Variants in EIF2AK2 observed in about 807,000 individuals in gnomAD.
EIF2AK2 encodes the protein eukaryotic translation initiation factor 2 alpha kinase 2.
A neutral mutation model predicts 70.5 loss-of-function variants in EIF2AK2; 40 were observed. The observed-to-expected ratio is 0.57, with a 90% confidence interval of 0.44 to 0.74. EIF2AK2 has a LOEUF of 0.74. EIF2AK2 is among the 30% of genes least tolerant of loss of function. The pLI, the probability that EIF2AK2 is intolerant of heterozygous loss-of-function variation, is 0.00. For synonymous variants in EIF2AK2, 198 were observed against 220.9 expected (o/e 0.90, Z 0.92); for missense variants, 555 against 644.3 (o/e 0.86, Z 1.50).
At chr2:37,121,262 CAAAAAAAAAAA>C in intron 12 of EIF2AK2, among the ~76,000 whole-genome samples, 1 of 72,720 alleles carries the variant, frequency 1.4e-5, no homozygotes, top group East Asian at 5.3e-4. Context: ...GACACCGTCT[CAAAAAAAAAAA>C]AAAAAAAAAA....
At chr2:37,129,453 C>T (rs1226220811) in intron 10 of EIF2AK2, among the ~76,000 whole-genome samples, 1 of 152,184 alleles carries the variant, frequency 6.6e-6, no homozygotes, top group Non-Finnish European at 1.5e-5. Flanking sequence ...GCCCCCCAAA[C>T]ATTACAGGAG....
intron 12 of EIF2AK2, among the ~76,000 whole-genome samples, chr2:37,121,309 A>G (rs1213428773): frequency 1.3e-5 from 2 of 149,434 alleles, no homozygotes; most frequent in Non-Finnish European, 1.5e-5. Context: ...AAAATGAGCC[A>G]CCCATTCTTC....
intron 1 of EIF2AK2, 79 bp from the exon 2 acceptor site, chr2:37,149,102 G>A (rs1675655677): frequency 1.7e-5 from 15 of 891,830 alleles, no homozygotes; most frequent in South Asian, 1.6e-4. Flanking sequence ...CGAAGACTAA[G>A]GTCTATGATA....
rs1675635261 is a variant in EIF2AK2, at chr2:37,148,534, T to C, written c.-17+323A>G. 7 of 686,602 alleles carry C rather than the reference T, an allele frequency of 1.0e-5. 1 individual carries two copies. In the South Asian group the frequency reaches 1.1e-4, roughly 11 times the overall value. The allele number at this position is 686,602 out of a possible 1,614,324, so 42.5% of individuals were successfully genotyped here. ...GAAAATATGCTAGAATCAACAATGA[T>C]GGATCGATAGTTGCAGTCCAGCTTC... On this transcript the variant is annotated intron_variant, in intron 2 of 16. Coordinates refer to ENST00000233057, the MANE Select transcript of EIF2AK2 (RefSeq NM_001135651.3).
chr2:37,144,807 C>T (rs1472881075), intron 4 of EIF2AK2, among the ~76,000 whole-genome samples: 2 of 152,006 alleles, frequency 1.3e-5, no homozygotes, highest in African/African-American at 4.8e-5. Flanking sequence ...ATCTCAAACT[C>T]CCAAATTCAA....
intron 7 of EIF2AK2, 51 bp downstream of exon 7, chr2:37,138,458 C>A (rs769020399): frequency 6.2e-7 from 1 of 1,601,180 alleles, no homozygotes; most frequent in Non-Finnish European, 8.5e-7. Flanking sequence ...ATCTGTCTTT[C>A]AGACAGAAAT....
chr2:37,149,604 C>T (rs1312497587), intron 1 of EIF2AK2, among the ~76,000 whole-genome samples: 2 of 152,066 alleles, frequency 1.3e-5, no homozygotes, highest in South Asian at 2.1e-4. Context: ...GTTTAAATAC[C>T]AGTTTCCTTA....
At chr2:37,141,100 A>C (rs1675314706) in intron 5 of EIF2AK2, among the ~76,000 whole-genome samples, 1 of 152,218 alleles carries the variant, frequency 6.6e-6, no homozygotes, top group African/African-American at 2.4e-5. Context: ...TCCTTCTGAT[A>C]CATGGTATTT....
At chr2:37,142,826 G>A (rs1227518071) in intron 4 of EIF2AK2, among the ~76,000 whole-genome samples, 1 of 152,224 alleles carries the variant, frequency 6.6e-6, no homozygotes, top group East Asian at 1.9e-4. Flanking sequence ...TAATGTTGCT[G>A]TGCACAGCAT....
chr2:37,132,087 A>G (rs1674960830), intron 10 of EIF2AK2, among the ~76,000 whole-genome samples: 1 of 152,178 alleles, frequency 6.6e-6, no homozygotes, highest in Non-Finnish European at 1.5e-5. Context: ...GACTTCAATC[A>G]GATAAAAGCC....
At chr2:37,156,397 A>G (rs1675927926) in intron 1 of EIF2AK2, among the ~76,000 whole-genome samples, 1 of 152,116 alleles carries the variant, frequency 6.6e-6, no homozygotes, top group African/African-American at 2.4e-5. Flanking sequence ...GAGAAGAGGT[A>G]GGGGGTGGAG....
chr2:37,138,733 A>T, intron 6 of EIF2AK2, 148 bp from the exon 7 acceptor site: 1 of 679,622 alleles, frequency 1.5e-6, no homozygotes, highest in Non-Finnish European at 2.5e-6. Context: ...CATTTTTTGG[A>T]TGTTTGGTCT....
rs919594940 is a variant in EIF2AK2, at chr2:37,149,217, C to A, written c.-183-194G>T. On this transcript the variant is annotated intron_variant, in intron 1 of 16. Transcript: ENST00000233057. ...GCCTGTGGTTCTACCAAGTGTGGAG[C>A]TGAATGCCACTGTGACCGCAAGTCA... 6 of 1,098,600 alleles carry A rather than the reference C, an allele frequency of 5.5e-6. No homozygotes were observed. The African/African-American group carries it at 7.7e-5, about 14-fold the overall frequency. The allele number at this position is 1,098,600 out of a possible 1,614,324, so 68.1% of individuals were successfully genotyped here.
chr2:37,120,677 G>C (rs1255146362), intron 12 of EIF2AK2, among the ~76,000 whole-genome samples: 2 of 149,486 alleles, frequency 1.3e-5, no homozygotes, highest in Non-Finnish European at 3.0e-5. Flanking sequence ...TAAAATATGA[G>C]CTGGGCTGGG....
In EIF2AK2 at chr2:37,102,362, TTATTC is replaced by T. The variant is rs1248214110; in HGVS notation, c.*4906_*4910del. The T allele has an allele frequency of 1.1e-4, 17 of 152,328 alleles. No homozygotes were observed. The highest frequency in any genetic ancestry group is 6.8e-3 in the Middle Eastern group (2 of 294). The allele number at this position is 152,328 out of a possible 1,614,324, so 9.4% of individuals were successfully genotyped here. A position where few individuals can be genotyped will look rare whatever the true frequency, so the allele number is the denominator to read the frequency against. On this transcript the variant is annotated 3_prime_UTR_variant, in exon 17 of 17. Coordinates refer to ENST00000233057, the MANE Select transcript of EIF2AK2 (RefSeq NM_001135651.3). ...CAGCTGGGTGATGGGTAGAGTTTCA[TTATTC>T]TATTTTTGTGTATGTTTGAACATAA...
At chr2:37,125,875 A>C (rs954095308) in intron 11 of EIF2AK2, among the ~76,000 whole-genome samples, 2 of 152,240 alleles carry the variant, frequency 1.3e-5, no homozygotes, top group Non-Finnish European at 2.9e-5. Context: ...AGACAAAATC[A>C]CTTCACATCT....
intron 13 of EIF2AK2, among the ~76,000 whole-genome samples, chr2:37,117,222 A>G (rs1230444063): frequency 6.7e-6 from 1 of 150,350 alleles, no homozygotes; most frequent in African/African-American, 2.4e-5. Context: ...AAAAAAAAAA[A>G]AAAAAGAAAA....
At chr2:37,130,094 A>ATATTT (rs1558419093) in intron 10 of EIF2AK2, among the ~76,000 whole-genome samples, 4 of 151,882 alleles carry the variant, frequency 2.6e-5, no homozygotes, top group East Asian at 1.9e-4. Context: ...TTGGCTGCCA[A>ATATTT]TATTTTATTT....
intron 6 of EIF2AK2, among the ~76,000 whole-genome samples, 175 bp downstream of exon 6, chr2:37,139,456 A>G (rs1175030731): frequency 6.6e-6 from 1 of 152,154 alleles, no homozygotes; most frequent in Non-Finnish European, 1.5e-5. Context: ...CAGAAATTTT[A>G]TCCCTCTGAG....
Sources: gnomAD v4.1 joint callset for allele counts (sites outside exome capture counted in the v4.1 genomes callset) on GRCh38, gnomAD v4.1.1 for gene constraint, MANE v1.5 for transcripts, NCBI Gene and HGNC (gene_info 2026-07-23, HGNC 2026-07-21) for gene names.